SETD3: variants seen among roughly 807,000 people sequenced by gnomAD.
The protein encoded by SETD3 is actin-histidine N-methyltransferase.
Under a neutral mutation model 63.0 loss-of-function variants are expected in SETD3, and 19 were observed. The ratio of observed to expected loss-of-function variants is 0.30; its 90% CI spans 0.21 to 0.44. The LOEUF is 0.44. SETD3 is among the 20% of genes least tolerant of loss of function. The pLI, the probability that SETD3 is intolerant of heterozygous loss-of-function variation, is 1.00. For synonymous variants in SETD3, 286 were observed against 264.1 expected (o/e 1.08, Z -0.80); for missense variants, 587 against 728.5 (o/e 0.81, Z 2.24).
upstream of SETD3, chr14:99,481,260 AC>A (rs898526415): frequency 2.5e-6 from 1 of 395,966 alleles, no homozygotes; most frequent in African/African-American, 2.1e-5. Context: ...GCAGCCACTG[AC>A]CCGCGGGGCG....
At chr14:99,453,046 T>C (rs189873424) in intron 6 of SETD3, among the ~76,000 whole-genome samples, 7 of 152,252 alleles carry the variant, frequency 4.6e-5, no homozygotes, top group Admixed American at 1.3e-4. Context: ...ACAGCCTCAA[T>C]GCCGAAAACA....
Position 99,399,012 on chromosome 14 carries a change from G to A in SETD3, c.1452C>T (p.Val484=), listed in dbSNP as rs1316982056. Residue 484 remains valine, a synonymous_variant, in exon 13 of 13, where the codon GTC becomes GTT. Coordinates refer to ENST00000331768, the MANE Select transcript of SETD3 (RefSeq NM_032233.3). ...TCTGTTGGCGATAGTATTCCCGGTTGACAGCTGCACTCTTTACTGCTTTTT... is the reference window on the plus strand; with the variant it reads ...TCTGTTGGCGATAGTATTCCCGGTTAACAGCTGCACTCTTTACTGCTTTTT... The part of the protein sequence containing the change: ...ILEKAVKSAA[V]NREYYRQQME... 1.9e-6 allele frequency: 3 copies of A among 1,614,056 alleles called. No individual in the cohort carries two copies. In the African/African-American group the frequency reaches 4.0e-5, roughly 22 times the overall value.
intron 6 of SETD3, among the ~76,000 whole-genome samples, chr14:99,447,955 C>T (rs1278055888): frequency 6.6e-6 from 1 of 152,176 alleles, no homozygotes; most frequent in Admixed American, 6.5e-5. Flanking sequence ...GTCAGCAGGG[C>T]CACACCCAGC....
At chr14:99,405,442 G>T in intron 9 of SETD3, 71 bp from the exon 10 acceptor site, 1 of 1,495,614 alleles carries the variant, frequency 6.7e-7, no homozygotes, top group Non-Finnish European at 9.0e-7. Flanking sequence ...ACAGGGCAGG[G>T]CAGAGGCTTA....
upstream of SETD3, among the ~76,000 whole-genome samples, chr14:99,484,272 A>G (rs1225053043): frequency 6.6e-6 from 1 of 152,222 alleles, no homozygotes; most frequent in East Asian, 1.9e-4. Flanking sequence ...CTCAGTGATA[A>G]ATTGTGAGGA....
At chr14:99,401,481 T>G (rs1190002772) in intron 11 of SETD3, among the ~76,000 whole-genome samples, 2 of 152,160 alleles carry the variant, frequency 1.3e-5, no homozygotes, top group Non-Finnish European at 2.9e-5. Flanking sequence ...AAACTTTTAT[T>G]AGTATTAGTT....
intron 6 of SETD3, among the ~76,000 whole-genome samples, chr14:99,438,504 A>C (rs1382181136): frequency 6.6e-6 from 1 of 152,248 alleles, no homozygotes; most frequent in Non-Finnish European, 1.5e-5. Flanking sequence ...AAAACAGAGA[A>C]AGGTTAGTAA....
chr14:99,455,237 C>T lies in SETD3; in HGVS notation c.675+3042G>A, dbSNP rs1203044181. ...GGCCAGGGTTCCTTCCCTCCCATCACTCAAATGCTCCTTCCTGTGAAGTCC... is the reference window on the plus strand; with the variant it reads ...GGCCAGGGTTCCTTCCCTCCCATCATTCAAATGCTCCTTCCTGTGAAGTCC... On this transcript the variant is annotated intron_variant, in intron 6 of 12. Transcript: ENST00000331768. Among the ~76,000 whole-genome samples, 5 of 152,226 alleles carry T rather than the reference C, an allele frequency of 3.3e-5. No homozygotes were observed. The East Asian group carries it at 9.6e-4, about 29-fold the overall frequency.
At position 99,406,527 on chromosome 14, in the gene SETD3, C is replaced by T; in HGVS notation, c.913G>A (p.Ala305Thr). 6.2e-7 allele frequency: 1 copy of T among 1,614,196 alleles called. No individual in the cohort carries two copies. Among genetic ancestry groups the T allele is most frequent in the East Asian group, 2.2e-5 (1 of 44,888 alleles). The change falls in exon 9 of 13, where the codon GCT (alanine) becomes ACT (threonine). Residue 305 changes from alanine (A) to threonine (T), a missense_variant. Transcript: ENST00000331768. ...GCCACGAGACCCACCTGCTCTCCAG[C>T]CCGAAAATCCTGCAGAGCCACACAC... Reference protein sequence around the residue: ...CECVALQDFRAGEQIYIFYGT... With the variant: ...CECVALQDFRTGEQIYIFYGT...
intron 8 of SETD3, 145 bp downstream of exon 8, chr14:99,412,806 G>T (rs1237906213): frequency 3.2e-6 from 2 of 616,776 alleles, no homozygotes; most frequent in African/African-American, 3.7e-5. Context: ...GCGGTGGGGA[G>T]GAGTGGCCGG....
At chr14:99,418,217 G>A (rs963092801) in intron 6 of SETD3, among the ~76,000 whole-genome samples, 1 of 152,112 alleles carries the variant, frequency 6.6e-6, no homozygotes, top group African/African-American at 2.4e-5. Context: ...TATCAGAAAT[G>A]ACAAAATATA....
intron 8 of SETD3, chr14:99,411,543 T>G (rs143037834): frequency 6.6e-6 from 1 of 152,310 alleles, no homozygotes; most frequent in African/African-American, 2.4e-5. Flanking sequence ...TTTTTGTTTG[T>G]TTAGAGTAAA....
At chr14:99,423,724 C>G (rs1293742854) in intron 6 of SETD3, among the ~76,000 whole-genome samples, 1 of 151,560 alleles carries the variant, frequency 6.6e-6, no homozygotes, top group African/African-American at 2.4e-5. Flanking sequence ...AAGGTACACT[C>G]TGTCTTAAAC....
chr14:99,454,570 T>G (rs941945066), intron 6 of SETD3, among the ~76,000 whole-genome samples: 2 of 152,178 alleles, frequency 1.3e-5, no homozygotes, highest in South Asian at 2.1e-4. Flanking sequence ...TAACATGGCC[T>G]GAGGGTCAAA....
intron 6 of SETD3, among the ~76,000 whole-genome samples, chr14:99,451,459 G>C (rs1246932265): frequency 6.6e-6 from 1 of 152,172 alleles, no homozygotes. Context: ...CCATCAAGCT[G>C]CAGTATGATG....
At chr14:99,484,427 A>T (rs1595302041), upstream of SETD3, among the ~76,000 whole-genome samples, 1 of 150,884 alleles carries the variant, frequency 6.6e-6, no homozygotes, top group Admixed American at 6.6e-5. Context: ...TTGAAACACT[A>T]AAAAAAAAGA....
chr14:99,416,004 T>A (rs1892271686), intron 6 of SETD3, among the ~76,000 whole-genome samples: 1 of 152,200 alleles, frequency 6.6e-6, no homozygotes, highest in Admixed American at 6.5e-5. Context: ...CTACTTCAGC[T>A]TTACCCAACT....
chr14:99,461,043 A>C (rs1895035403), intron 4 of SETD3, 149 bp downstream of exon 4: 4 of 886,862 alleles, frequency 4.5e-6, no homozygotes, highest in Non-Finnish European at 6.9e-6. Flanking sequence ...TTAGAACATG[A>C]GCCCAAGGCC....
chr14:99,431,005 G>A (rs1893145689), intron 6 of SETD3, among the ~76,000 whole-genome samples: 1 of 152,198 alleles, frequency 6.6e-6, no homozygotes, highest in African/African-American at 2.4e-5. Context: ...CATCTTCTAT[G>A]TATTAACAAA....
Sources: allele counts gnomAD v4.1 joint callset (sites outside exome capture counted in the v4.1 genomes callset), GRCh38; gene constraint gnomAD v4.1.1; transcripts MANE v1.5; gene names NCBI Gene and HGNC (gene_info 2026-07-23, HGNC 2026-07-21).